Variants in WDR81 observed in about 807,000 individuals in gnomAD.
The protein encoded by WDR81 is WD repeat domain 81.
In WDR81, 92 loss-of-function variants were observed where a neutral mutation model predicts 140.8. The ratio of observed to expected loss-of-function variants is 0.65; its 90% confidence interval spans 0.55 to 0.78. The LOEUF is 0.78. Among genes scored for constraint, WDR81 ranks in the 30% least tolerant of loss-of-function variants. WDR81 has a pLI of 0.00. For synonymous variants in WDR81, 1,183 were observed against 1,156.4 expected (o/e 1.02, Z -0.47); for missense variants, 2,502 against 2,636.4 (o/e 0.95, Z 1.12).
At chr17:1,724,115 A>C (rs1915045162), upstream of WDR81, among the ~76,000 whole-genome samples, 1 of 152,096 alleles carries the variant, frequency 6.6e-6, no homozygotes, top group South Asian at 2.1e-4. Context: ...CTGTCATCCC[A>C]GCACCTTGGG....
In WDR81 at chr17:1,725,803, G is replaced by A; in HGVS notation, c.844G>A (p.Gly282Arg). 1 of 1,550,638 alleles carries A rather than the reference G, an allele frequency of 6.4e-7. No individual in the cohort carries two copies. The highest frequency in any genetic ancestry group is 8.7e-7 in the Non-Finnish European group (1 of 1,146,982). The change falls in exon 1 of 10, where the codon GGG becomes AGG. Residue 282 changes from glycine (G) to arginine (R), a missense_variant. Coordinates refer to ENST00000409644, the MANE Select transcript of WDR81 (RefSeq NM_001163809.2). ...DACHRQGLAC[G>R]ALSLYHIAVD... is the part of the protein sequence containing the mutation. ...CTGTCACCGCCAGGGGCTGGCGTGT[G>A]GGGCCCTGTCTTTGTATCACATCGC...
chr17:1,726,542 A>G lies in WDR81; in HGVS notation c.1583A>G (p.His528Arg). Residue 528 changes from histidine to arginine, a missense_variant, in exon 1 of 10, where the codon CAC becomes CGC. Physicochemically the swap from His to Arg is conservative, Grantham distance 29 (BLOSUM62 0). Transcript: ENST00000409644. The stretch of plus-strand genomic sequence containing the variant: ...TCCAGCCAGGAGTTCGTAGCTGCCC[A>G]CCGAGCCCTGCTGGAGAGCCGCGAG... Reference protein sequence around the residue: ...CSSSQEFVAAHRALLESREVS... With the variant: ...CSSSQEFVAARRALLESREVS... 6.5e-7 allele frequency: 1 copy of G among 1,550,354 alleles called. No homozygotes were observed. Among genetic ancestry groups the G allele is most frequent in the Non-Finnish European group, 8.7e-7 (1 of 1,146,984 alleles).
chr17:1,721,725 G>T (rs371940931), upstream of WDR81, among the ~76,000 whole-genome samples: 1 of 151,832 alleles, frequency 6.6e-6, no homozygotes, highest in African/African-American at 2.4e-5. Context: ...AGGAGGCTGA[G>T]GTGGGAAGTT....
rs376141228 is a variant in WDR81, at chr17:1,737,358, G to A, written c.5506-7G>A. The A allele has an allele frequency of 8.3e-5, 132 of 1,596,528 alleles. No homozygotes were observed. Among genetic ancestry groups the A allele is most frequent in the Middle Eastern group, 5.0e-4 (3 of 5,994 alleles). On this transcript the variant is annotated splice_region_variant and splice_polypyrimidine_tract_variant and intron_variant, in intron 9 of 9. Coordinates refer to ENST00000409644, the MANE Select transcript of WDR81 (RefSeq NM_001163809.2). ...GCTCCTGCTGAGGCTCTCCTCTCCC[G>A]GGACAGGCGGTGGAGGGCAGCGTCC...
chr17:1,725,350 G>C lies in WDR81; in HGVS notation c.391G>C (p.Gly131Arg), dbSNP rs1426727810. 6.5e-7 allele frequency: 1 copy of C among 1,549,218 alleles called. No homozygotes were observed. The highest frequency in any genetic ancestry group is 1.2e-5 in the South Asian group (1 of 84,064). ...CCTGCCCTTTGAGGACGGGTCCTGC[G>C]GCCCTGAGACCCTCACTCGCTTCAT... is the stretch of plus-strand genomic sequence containing the variant. ...GGLPFEDGSC[G>R]PETLTRFMQE... Residue 131 changes from glycine (G) to arginine (R), a missense_variant, in exon 1 of 10, where the codon GGC (glycine) becomes CGC (arginine). By Grantham distance (125) the Gly-to-Arg change is moderately radical. Around this residue, in one of 3 missense-constraint regions of WDR81, gnomAD observed 547 missense variants for 513.8 expected, o/e 1.06. Coordinates refer to ENST00000409644, the MANE Select transcript of WDR81 (RefSeq NM_001163809.2).
Position 1,727,396 on chromosome 17 carries a change from G to A in WDR81, c.2437G>A (p.Glu813Lys), listed in dbSNP as rs1475439293. Residue 813 changes from glutamate (E) to lysine (K), a missense_variant, in exon 1 of 10, where the codon GAG becomes AAG. Physicochemically the swap from Glu to Lys is moderately conservative, Grantham distance 56 (BLOSUM62 1). This residue lies in a region of WDR81 where 1,737 missense variants were observed against 1,843.0 expected (regional missense o/e 0.94). Transcript: ENST00000409644. The part of the protein sequence containing the change: ...VRGLCTRHPK[E>K]VPVSLQPVLD... ...AGGGCTCTGCACGCGCCACCCCAAG[G>A]AGGTCCCTGTGTCTTTGCAGCCCGT... 3.2e-6 allele frequency: 5 copies of A among 1,550,332 alleles called. No individual in the cohort carries two copies. Among genetic ancestry groups the A allele is most frequent in the South Asian group, 1.2e-5 (1 of 84,066 alleles).
At chr17:1,734,892 A>G (rs1487449551) in intron 7 of WDR81, among the ~76,000 whole-genome samples, 22 of 152,154 alleles carry the variant, frequency 1.4e-4, no homozygotes, top group Non-Finnish European at 2.6e-4. Flanking sequence ...AATATGGTTA[A>G]AAGGGGGAAA....
In WDR81 at chr17:1,736,026, C is replaced by T. The variant is rs1398828138; in HGVS notation, c.5326-13C>T. 1 of 1,584,244 alleles carries T rather than the reference C, an allele frequency of 6.3e-7. No individual in the cohort carries two copies. ...GAAGGTGGTGCCTCAGCTCAGCCGC[C>T]CTCTCCCTGCAGCACGAGTTCCGAC... is the stretch of plus-strand genomic sequence containing the variant. On this transcript the variant is annotated splice_polypyrimidine_tract_variant and intron_variant, in intron 8 of 9. Transcript: ENST00000409644.
rs1020990658 is a variant in WDR81, at chr17:1,726,437, C to T, written c.1478C>T (p.Pro493Leu). ...MQNWTPDECI[P>L]EFYTDPSIFR... ...AACTGGACCCCGGATGAGTGCATTC[C>T]GGAGTTCTACACCGATCCCTCTATC... The change falls in exon 1 of 10, where the codon CCG becomes CTG. Residue 493 changes from proline (P) to leucine (L), a missense_variant. Transcript: ENST00000409644. 30 of 1,550,256 alleles carry T rather than the reference C, an allele frequency of 1.9e-5. No homozygotes were observed. The highest frequency in any genetic ancestry group is 2.4e-5 in the Non-Finnish European group (27 of 1,146,972).
upstream of WDR81, among the ~76,000 whole-genome samples, chr17:1,720,621 A>G (rs1448561685): frequency 1.3e-5 from 2 of 152,038 alleles, no homozygotes; most frequent in Non-Finnish European, 2.9e-5. Flanking sequence ...TACTAAAAAT[A>G]CAAAAGTTAG....
At chr17:1,721,466 G>A (rs1914860036), upstream of WDR81, among the ~76,000 whole-genome samples, 1 of 151,914 alleles carries the variant, frequency 6.6e-6, no homozygotes, top group South Asian at 2.1e-4. Context: ...GCTGCAGTCA[G>A]CTGTGACAAA....
At chr17:1,717,980 A>T (rs905620932) in intron 1 of WDR81, among the ~76,000 whole-genome samples, 8 of 152,058 alleles carry the variant, frequency 5.3e-5, no homozygotes, top group Non-Finnish European at 8.8e-5. Context: ...TATGGGAAGC[A>T]AACTTGGGGT....
intron 1 of WDR81, chr17:1,716,784 G>A (rs763723632): frequency 4.5e-6 from 4 of 888,806 alleles, no homozygotes; most frequent in Non-Finnish European, 6.9e-6. Context: ...GCTCTTTAAG[G>A]AAAGGTGGAG....
rs866554428 is a variant in WDR81 at position 1,725,138 on chromosome 17, C to T, written c.179C>T (p.Ala60Val). ...GGTHVVALVP[A>V]RWLASLRDRR... Reference sequence around the variant, plus strand: ...ACCCACGTGGTGGCCCTAGTGCCTGCGCGCTGGCTGGCCAGCCTCCGCGAT... The same window carrying T: ...ACCCACGTGGTGGCCCTAGTGCCTGTGCGCTGGCTGGCCAGCCTCCGCGAT... The change falls in exon 1 of 10, where the codon GCG (alanine) becomes GTG (valine). Residue 60 changes from alanine (A) to valine (V), a missense_variant. By Grantham distance (64) the Ala-to-Val change is moderately conservative. This residue lies in a region of WDR81 where 547 missense variants were observed against 513.8 expected (regional missense o/e 1.06). Transcript: ENST00000409644. 7 of 1,530,868 alleles carry T rather than the reference C, an allele frequency of 4.6e-6. No individual in the cohort carries two copies. The African/African-American group carries it at 8.2e-5, about 18-fold the overall frequency. 94.8% of individuals were successfully genotyped at this position (1,530,868 alleles called of 1,614,324 possible).
rs1199800181 is a variant in WDR81 at position 1,725,770 on chromosome 17, A to G, written c.811A>G (p.Met271Val). 1.9e-6 allele frequency: 3 copies of G among 1,550,684 alleles called. No homozygotes were observed. The highest frequency in any genetic ancestry group is 2.4e-5 in the East Asian group (1 of 40,932). Residue 271 changes from methionine to valine, a missense_variant, in exon 1 of 10, where the codon ATG becomes GTG. This residue lies in a region of WDR81 where 547 missense variants were observed against 513.8 expected (regional missense o/e 1.06). Coordinates refer to ENST00000409644, the MANE Select transcript of WDR81 (RefSeq NM_001163809.2). The part of the protein sequence containing the change: ...LFILFRVLRA[M>V]DACHRQGLAC... ...CATTCTCTTCCGCGTGCTGAGGGCT[A>G]TGGACGCCTGTCACCGCCAGGGGCT...
chr17:1,726,196 C>G lies in WDR81; in HGVS notation c.1237C>G (p.Leu413Val). 6.6e-7 allele frequency: 1 copy of G among 1,524,050 alleles called. No homozygotes were observed. The highest frequency in any genetic ancestry group is 8.8e-7 in the Non-Finnish European group (1 of 1,130,026). The allele number at this position is 1,524,050 out of a possible 1,614,324, so 94.4% of individuals were successfully genotyped here. The change falls in exon 1 of 10, where the codon CTG becomes GTG. Residue 413 changes from leucine (L) to valine (V), a missense_variant. Leu to Val is a conservative substitution (Grantham distance 32, BLOSUM62 1). This residue lies in a region of WDR81 where 218 missense variants were observed against 279.6 expected (regional missense o/e 0.78). Transcript: ENST00000409644. Reference sequence around the variant, plus strand: ...CCGCCTCAACAAGGGGGATAAGCAACTGGACTTCACGTATGAGATGACACG... The same window carrying G: ...CCGCCTCAACAAGGGGGATAAGCAAGTGGACTTCACGTATGAGATGACACG... ...KFRLNKGDKQ[L>V]DFTYEMTRQA...
At chr17:1,717,838 G>A (rs995957168) in intron 1 of WDR81, among the ~76,000 whole-genome samples, 6 of 152,174 alleles carry the variant, frequency 3.9e-5, no homozygotes, top group African/African-American at 1.2e-4. Flanking sequence ...TGTTAGCACA[G>A]TAAATTCAGA....
chr17:1,724,119 C>G (rs1020430892), upstream of WDR81, among the ~76,000 whole-genome samples: 3 of 151,812 alleles, frequency 2.0e-5, no homozygotes, highest in Admixed American at 2.0e-4. Context: ...CATCCCAGCA[C>G]CTTGGGAGGC....
chr17:1,730,513 G>C, intron 2 of WDR81, 26 bp downstream of exon 2: 1 of 1,600,364 alleles, frequency 6.2e-7, no homozygotes, highest in East Asian at 2.3e-5. Flanking sequence ...GTCAGTGCTG[G>C]AGATGAGGCT....
Sources: gnomAD v4.1 joint callset for allele counts (sites outside exome capture counted in the v4.1 genomes callset) on GRCh38, gnomAD v4.1.1 for gene constraint, gnomAD v4.1.1 regional missense constraint, MANE v1.5 for transcripts, NCBI Gene and HGNC (gene_info 2026-07-23, HGNC 2026-07-21) for gene names.